The following DNAH11 variants were observed in gnomAD, a reference collection of about 807,000 sequenced individuals.
DNAH11 encodes the protein dynein axonemal heavy chain 11.
Under a neutral mutation model 526.0 loss-of-function variants are expected in DNAH11, and 442 were observed. The ratio of observed to expected loss-of-function variants is 0.84; its 90% confidence interval spans 0.78 to 0.91. The LOEUF (loss-of-function observed/expected upper bound fraction) is 0.91, where lower values mean the gene tolerates loss of function less well. DNAH11 is among the 40% of genes least tolerant of loss of function. DNAH11 has a pLI of 0.00. For synonymous variants in DNAH11, 2,461 were observed against 1,935.9 expected (o/e 1.27, Z -7.12); for missense variants, 6,989 against 5,448.7 (o/e 1.28, Z -8.90).
intron 58 of DNAH11, among the ~76,000 whole-genome samples, 172 bp downstream of exon 58, chr7:21,784,712 G>T (rs1435768303): frequency 1.3e-5 from 2 of 152,188 alleles, no homozygotes; most frequent in Non-Finnish European, 2.9e-5. Context: ...CATCATTATA[G>T]TTCAACTTCT....
chr7:21,738,196 C>A (rs139133195), intron 46 of DNAH11, among the ~76,000 whole-genome samples: 15 of 152,244 alleles, frequency 9.9e-5, no homozygotes, highest in African/African-American at 3.6e-4. Flanking sequence ...TTTATGTATT[C>A]ACGGATAGTG....
Position 21,797,400 on chromosome 7 carries a change from G to T in DNAH11, c.10027-3737G>T, listed in dbSNP as rs548071421. ...ATGCCCGGCTAATTTTGTATTTTTA[G>T]TAGAGACGGGGTTTCTCTATGTTGG... On this transcript the variant is annotated intron_variant, in intron 61 of 81. Transcript: ENST00000409508. 1.6e-3 allele frequency among the ~76,000 whole-genome samples: 244 copies of T among 151,234 alleles called. 8 individuals carry two copies. Among genetic ancestry groups the T allele is most frequent in the African/African-American group, 5.8e-3 (236 of 40,680 alleles).
At chr7:21,572,299 G>A (rs1783924058) in intron 8 of DNAH11, among the ~76,000 whole-genome samples, 1 of 152,072 alleles carries the variant, frequency 6.6e-6, no homozygotes, top group African/African-American at 2.4e-5. Context: ...CTTTATTTTA[G>A]CATTTTCTTG....
At chr7:21,719,224 G>A (rs550292479) in intron 43 of DNAH11, among the ~76,000 whole-genome samples, 3 of 152,114 alleles carry the variant, frequency 2.0e-5, no homozygotes, top group South Asian at 2.1e-4. Flanking sequence ...CTCTTCTGTG[G>A]TTACTAATAA....
intron 26 of DNAH11, among the ~76,000 whole-genome samples, chr7:21,636,894 A>C (rs1472980115): frequency 6.6e-6 from 1 of 152,218 alleles, no homozygotes; most frequent in African/African-American, 2.4e-5. Context: ...GACAACAGGT[A>C]GAAAATAACA....
At chr7:21,797,733 T>C (rs1385576470) in intron 61 of DNAH11, among the ~76,000 whole-genome samples, 1 of 152,190 alleles carries the variant, frequency 6.6e-6, no homozygotes, top group Non-Finnish European at 1.5e-5. Context: ...TTAGTACTTA[T>C]TCCTGGTGAA....
chr7:21,879,379 C>T (rs1783830403), intron 74 of DNAH11, among the ~76,000 whole-genome samples: 1 of 151,960 alleles, frequency 6.6e-6, no homozygotes, highest in Non-Finnish European at 1.5e-5. Flanking sequence ...ATCGCCTGAA[C>T]CCTGGAGGCG....
At chr7:21,774,098 C>A in intron 56 of DNAH11, 99 bp downstream of exon 56, 1 of 1,104,320 alleles carries the variant, frequency 9.1e-7, no homozygotes. Flanking sequence ...CTATAAGATG[C>A]CAGCTGGTGA....
At chr7:21,564,541 C>T (rs989914965) in intron 6 of DNAH11, 144 bp downstream of exon 6, 12 of 581,514 alleles carry the variant, frequency 2.1e-5, no homozygotes, top group Admixed American at 1.0e-4. Context: ...GTAACAAAGG[C>T]CAGGTAACCT....
At chr7:21,730,912 G>T (rs536885815) in intron 45 of DNAH11, among the ~76,000 whole-genome samples, 1 of 152,212 alleles carries the variant, frequency 6.6e-6, no homozygotes, top group Non-Finnish European at 1.5e-5. Context: ...GGGAGGCCAA[G>T]GCAGGTTGAT....
intron 76 of DNAH11, among the ~76,000 whole-genome samples, chr7:21,890,824 T>C (rs1203845207): frequency 2.0e-5 from 3 of 152,150 alleles, no homozygotes; most frequent in Non-Finnish European, 4.4e-5. Flanking sequence ...GGTGGTGAAA[T>C]AGTCCAACTT....
intron 34 of DNAH11, among the ~76,000 whole-genome samples, chr7:21,688,207 C>T (rs1412659594): frequency 6.6e-6 from 1 of 152,176 alleles, no homozygotes; most frequent in Non-Finnish European, 1.5e-5. Context: ...GACAACACCT[C>T]TCCTACATCT....
chr7:21,562,888 G>A (rs1174682080), intron 5 of DNAH11, among the ~76,000 whole-genome samples: 1 of 152,176 alleles, frequency 6.6e-6, no homozygotes. Flanking sequence ...CACATCAAGT[G>A]TCTGGGTTCA....
intron 49 of DNAH11, among the ~76,000 whole-genome samples, chr7:21,744,202 G>C (rs1409738653): frequency 6.6e-6 from 1 of 152,152 alleles, no homozygotes; most frequent in Non-Finnish European, 1.5e-5. Context: ...GCCTGTGCTG[G>C]CACTTGAAAT....
chr7:21,652,827 C>T (rs905007340), intron 28 of DNAH11, among the ~76,000 whole-genome samples: 15 of 152,042 alleles, frequency 9.9e-5, no homozygotes, highest in African/African-American at 3.6e-4. Flanking sequence ...CATATCCTTT[C>T]TCTATCAAAA....
chr7:21,690,198 A>G (rs1783553866), intron 34 of DNAH11, among the ~76,000 whole-genome samples: 1 of 152,198 alleles, frequency 6.6e-6, no homozygotes, highest in South Asian at 2.1e-4. Flanking sequence ...GGAACATAGG[A>G]TAATTAACTT....
At chr7:21,674,451 C>G (rs988956184) in intron 30 of DNAH11, among the ~76,000 whole-genome samples, 1 of 152,068 alleles carries the variant, frequency 6.6e-6, no homozygotes, top group African/African-American at 2.4e-5. Context: ...ACTTCTGCCT[C>G]CCAGCTTCAA....
At chr7:21,786,302 ATGTGTG>A (rs58775729) in intron 58 of DNAH11, among the ~76,000 whole-genome samples, 5 of 150,842 alleles carry the variant, frequency 3.3e-5, no homozygotes, top group African/African-American at 9.8e-5. Flanking sequence ...ACATATACAC[ATGTGTG>A]TGTGTGTGTG....
intron 2 of DNAH11, among the ~76,000 whole-genome samples, chr7:21,546,793 T>C (rs1356500148): frequency 6.6e-6 from 1 of 152,168 alleles, no homozygotes; most frequent in African/African-American, 2.4e-5. Context: ...TCTCAGTCAA[T>C]ATCTGGGCCC....
Sources: gnomAD v4.1 joint callset for allele counts (sites outside exome capture counted in the v4.1 genomes callset) on GRCh38, gnomAD v4.1.1 for gene constraint, MANE v1.5 for transcripts, NCBI Gene and HGNC (gene_info 2026-07-23, HGNC 2026-07-21) for gene names.